VPS37A: variants seen among roughly 807,000 people sequenced by gnomAD.
The protein encoded by VPS37A is vacuolar protein sorting-associated protein 37A.
Under a neutral mutation model 49.8 loss-of-function variants are expected in VPS37A, and 30 were observed. The observed-to-expected ratio is 0.60, with a 90% CI of 0.45 to 0.82. The LOEUF (loss-of-function observed/expected upper bound fraction) is 0.82, where lower values mean the gene tolerates loss of function less well. VPS37A is among the 40% of genes least tolerant of loss of function. The pLI is 0.00. For missense variants in VPS37A, 593 were observed against 464.4 expected (o/e 1.28, Z -2.55); for synonymous variants, 195 against 160.6 (o/e 1.21, Z -1.62).
intron 1 of VPS37A, among the ~76,000 whole-genome samples, chr8:17,257,822 G>T (rs1185291592): frequency 6.6e-6 from 1 of 151,980 alleles, no homozygotes; most frequent in Non-Finnish European, 1.5e-5. Context: ...TCTTTCATCA[G>T]TGTTCTATAG....
intron 4 of VPS37A, among the ~76,000 whole-genome samples, chr8:17,272,278 G>T (rs985838431): frequency 2.0e-4 from 31 of 151,946 alleles, no homozygotes; most frequent in Non-Finnish European, 3.8e-4. Flanking sequence ...TTAGATTTTT[G>T]TTGTTGTTGT....
At chr8:17,266,061 C>G (rs919646096) in intron 2 of VPS37A, 80 bp downstream of exon 2, 30 of 1,257,358 alleles carry the variant, frequency 2.4e-5, no homozygotes, top group African/African-American at 1.5e-4. Flanking sequence ...TAGAAATAAA[C>G]TTTTAAGGTG....
chr8:17,249,417 GTAATT>G (rs1811765685), intron 1 of VPS37A, among the ~76,000 whole-genome samples: 2 of 152,162 alleles, frequency 1.3e-5, no homozygotes, highest in South Asian at 4.1e-4. Flanking sequence ...ATTAGATAAT[GTAATT>G]TATTTTGTAG....
intron 1 of VPS37A, among the ~76,000 whole-genome samples, chr8:17,261,128 A>G (rs1360003180): frequency 1.3e-5 from 2 of 152,210 alleles, no homozygotes; most frequent in Non-Finnish European, 2.9e-5. Flanking sequence ...CTGAGGCAAT[A>G]TTCTGTATTT....
chr8:17,274,469 G>A (rs571540981), intron 4 of VPS37A, among the ~76,000 whole-genome samples: 2 of 151,742 alleles, frequency 1.3e-5, no homozygotes, highest in South Asian at 4.2e-4. Flanking sequence ...ACTCCGTCCA[G>A]TTGAATTGCA....
rs1292410170 is a variant in VPS37A, at chr8:17,296,554, T to A, written c.*1568T>A. The A allele has an allele frequency of 6.6e-6, 1 of 152,082 alleles. No individual in the cohort carries two copies. Among genetic ancestry groups the A allele is most frequent in the Non-Finnish European group, 1.5e-5 (1 of 68,032 alleles). 9.4% of individuals were successfully genotyped at this position (152,082 alleles called of 1,614,324 possible). ...TCTCAATCTTTTGCCAACCATCAGG[T>A]TCCTAGAAACCAGGTAGGTGTATCC... On this transcript the variant is annotated 3_prime_UTR_variant, in exon 12 of 12. Coordinates refer to ENST00000324849, the MANE Select transcript of VPS37A (RefSeq NM_152415.3).
intron 11 of VPS37A, among the ~76,000 whole-genome samples, chr8:17,290,414 C>A (rs1287313849): frequency 6.6e-6 from 1 of 152,104 alleles, no homozygotes; most frequent in Non-Finnish European, 1.5e-5. Context: ...TTATCGAAGG[C>A]CTTTTCTGCA....
At position 17,256,544 on chromosome 8, in the gene VPS37A, C is replaced by CT. The variant is rs140479043; in HGVS notation, c.125+9178dup. On this transcript the variant is annotated intron_variant, in intron 1 of 11. Transcript: ENST00000324849. The stretch of plus-strand genomic sequence containing the variant: ...CTCCTCATGTATTCGGTAGTTAATC[C>CT]TTTGTCAGATGGATAGTTTACAAAA... Among the ~76,000 whole-genome samples, 1,426 of 151,836 alleles carry CT rather than the reference C, an allele frequency of 9.4e-3. 22 individuals carry two copies. Among genetic ancestry groups the CT allele is most frequent in the African/African-American group, 0.033 (1,372 of 41,368 alleles).
At chr8:17,300,195 T>C (rs1817024249), downstream of VPS37A, 1 of 1,606,232 alleles carries the variant, frequency 6.2e-7, no homozygotes, top group African/African-American at 1.3e-5. Context: ...TAGTGCAATT[T>C]AACTGGACCT....
intron 6 of VPS37A, 65 bp downstream of exon 6, chr8:17,276,532 A>G: frequency 7.0e-7 from 1 of 1,434,308 alleles, no homozygotes; most frequent in Non-Finnish European, 9.6e-7. Context: ...CCAGATTATT[A>G]TTTCATATCC....
At chr8:17,287,055 T>C (rs960193009) in intron 11 of VPS37A, among the ~76,000 whole-genome samples, 2 of 152,200 alleles carry the variant, frequency 1.3e-5, no homozygotes, top group African/African-American at 4.8e-5. Flanking sequence ...TCCCCTTACA[T>C]TGCGTTGTCT....
intron 1 of VPS37A, among the ~76,000 whole-genome samples, chr8:17,257,997 T>C (rs1368455115): frequency 6.6e-6 from 1 of 152,244 alleles, no homozygotes; most frequent in Admixed American, 6.5e-5. Flanking sequence ...CCTGCAACTT[T>C]ACTGAATTGG....
the VPS37A span, among the ~76,000 whole-genome samples, chr8:17,308,326 C>G: frequency 6.6e-6 from 1 of 152,092 alleles, no homozygotes; most frequent in Non-Finnish European, 1.5e-5. Flanking sequence ...GAACCCCAAA[C>G]TGAAAATAAT....
At chr8:17,326,784 T>G in the VPS37A span, among the ~76,000 whole-genome samples, 1 of 152,230 alleles carries the variant, frequency 6.6e-6, no homozygotes, top group Non-Finnish European at 1.5e-5. Flanking sequence ...GCTGCCACTT[T>G]GACTGCAGCC....
the VPS37A span, among the ~76,000 whole-genome samples, chr8:17,330,130 G>A: frequency 6.6e-6 from 1 of 152,210 alleles, no homozygotes; most frequent in Non-Finnish European, 1.5e-5. Flanking sequence ...TGGAAATTAG[G>A]CCTGTTTGTG....
chr8:17,302,280 C>A (rs748327183), downstream of VPS37A: 2 of 1,612,706 alleles, frequency 1.2e-6, no homozygotes, highest in Non-Finnish European at 1.7e-6. Context: ...CACTCCAAAA[C>A]CTGGAAAGGA....
intron 11 of VPS37A, among the ~76,000 whole-genome samples, chr8:17,291,669 C>T (rs561260883): frequency 6.6e-6 from 1 of 152,204 alleles, no homozygotes; most frequent in African/African-American, 2.4e-5. Context: ...GATTCTGGTA[C>T]ATTGTGTCTT....
intron 1 of VPS37A, among the ~76,000 whole-genome samples, chr8:17,259,574 G>A (rs1031382941): frequency 6.6e-6 from 1 of 152,100 alleles, no homozygotes; most frequent in Non-Finnish European, 1.5e-5. Context: ...TTCTGTAAAT[G>A]TCAATTAGGC....
In VPS37A at chr8:17,246,975, C is replaced by T. The variant is rs536667013; in HGVS notation, c.-270C>T. ...GGTGGAGCGCTGGGCGGCCAGGCTC[C>T]CTGGCTGGCCGGTTTGGGCGTCTGG... On this transcript the variant is annotated 5_prime_UTR_variant, in exon 1 of 12. Coordinates refer to ENST00000324849, the MANE Select transcript of VPS37A (RefSeq NM_152415.3). 1.8e-4 allele frequency: 86 copies of T among 477,576 alleles called. No homozygotes were observed. Among genetic ancestry groups the T allele is most frequent in the African/African-American group, 1.6e-3 (80 of 48,728 alleles). The allele number at this position is 477,576 out of a possible 1,614,324, so 29.6% of individuals were successfully genotyped here.
Sources: gnomAD v4.1 joint callset for allele counts (sites outside exome capture counted in the v4.1 genomes callset) on GRCh38, gnomAD v4.1.1 for gene constraint, MANE v1.5 for transcripts, NCBI Gene and HGNC (gene_info 2026-07-23, HGNC 2026-07-21) for gene names.